Variants in KCNMB2 observed in about 807,000 individuals in gnomAD.
KCNMB2 encodes calcium-activated potassium channel subunit beta-2.
Under a neutral mutation model 24.5 loss-of-function variants are expected in KCNMB2, and 9 were observed. That is an observed-to-expected ratio of 0.37 (90% CI 0.22 to 0.64). The LOEUF is 0.64. Ranked by LOEUF, KCNMB2 falls within the 30% of genes least tolerant of loss-of-function variation. KCNMB2 has a pLI of 0.63. For missense variants in KCNMB2, 226 were observed against 284.3 expected, an observed-to-expected ratio of 0.79 and a Z score of 1.47; for synonymous variants, 109 against 104.4, an observed-to-expected ratio of 1.04 and a Z score of -0.27.
intron 1 of KCNMB2, among the ~76,000 whole-genome samples, chr3:178,577,734 C>A (rs1029681399): frequency 5.3e-5 from 8 of 151,990 alleles, no homozygotes; most frequent in Non-Finnish European, 8.8e-5. Context: ...GAAGCATACA[C>A]AAATATCAAT....
chr3:178,630,242 C>T (rs964778155), intron 1 of KCNMB2, among the ~76,000 whole-genome samples: 42 of 152,096 alleles, frequency 2.8e-4, no homozygotes, highest in African/African-American at 9.9e-4. Context: ...GGCTTTAGAC[C>T]CCTCCTTCTC....
intron 1 of KCNMB2, among the ~76,000 whole-genome samples, chr3:178,611,206 T>C (rs1231989007): frequency 1.3e-5 from 2 of 152,222 alleles, no homozygotes; most frequent in Non-Finnish European, 2.9e-5. Context: ...GTAGGTTGTA[T>C]GTATCTAGAG....
At chr3:178,837,822 G>A (rs1715287886) in intron 4 of KCNMB2, among the ~76,000 whole-genome samples, 1 of 151,860 alleles carries the variant, frequency 6.6e-6, no homozygotes. Context: ...TTTATATGAA[G>A]AATCTTACCT....
chr3:178,728,563 G>A (rs899430673), intron 1 of KCNMB2, among the ~76,000 whole-genome samples: 2 of 137,154 alleles, frequency 1.5e-5, no homozygotes, highest in African/African-American at 5.0e-5. Context: ...ATCAGCTTTG[G>A]GATGAATCTG....
intron 1 of KCNMB2, among the ~76,000 whole-genome samples, chr3:178,645,299 C>T (rs1016821467): frequency 2.6e-5 from 4 of 152,070 alleles, no homozygotes; most frequent in African/African-American, 9.7e-5. Flanking sequence ...ATCTGCCCGC[C>T]TCGGCCTCCC....
At chr3:178,571,342 T>A (rs1716772554) in intron 1 of KCNMB2, among the ~76,000 whole-genome samples, 1 of 150,878 alleles carries the variant, frequency 6.6e-6, no homozygotes, top group African/African-American at 2.4e-5. Context: ...CCCCTTTTGA[T>A]CAAGATCTAA....
Position 178,665,003 on chromosome 3 carries a change from A to G in KCNMB2, c.-68+128292A>G, listed in dbSNP as rs576450341. On this transcript the variant is annotated intron_variant, in intron 1 of 4. Transcript: ENST00000452583. ...GAGAAAGGATAGTTGTTTGATATAA[A>G]ATGGAACTGTGACCTTGCTATAAGA... 1.3e-4 allele frequency among the ~76,000 whole-genome samples: 20 copies of G among 152,284 alleles called. No homozygotes were observed. In the South Asian group the frequency reaches 3.7e-3, roughly 28 times the overall value.
At position 178,662,861 on chromosome 3, in the gene KCNMB2, C is replaced by T. The variant is rs77864818; in HGVS notation, c.-68+126150C>T. Among the ~76,000 whole-genome samples the T allele has an allele frequency of 5.2e-3, 789 of 152,176 alleles. 5 individuals are homozygous for T. Among genetic ancestry groups the T allele is most frequent in the African/African-American group, 0.018 (736 of 41,526 alleles). The stretch of plus-strand genomic sequence containing the variant: ...ATTACTAAAATTATCCCCATTTGCA[C>T]GTGATAAAACAGGCCTAAGAGAAGT... On this transcript the variant is annotated intron_variant, in intron 1 of 4. Coordinates refer to ENST00000452583, the MANE Select transcript of KCNMB2 (RefSeq NM_181361.3).
At chr3:178,751,470 C>G (rs1234059369) in intron 1 of KCNMB2, among the ~76,000 whole-genome samples, 1 of 144,948 alleles carries the variant, frequency 6.9e-6, no homozygotes, top group Non-Finnish European at 1.5e-5. Context: ...ATCCCAGCTA[C>G]TTAGGAGGCA....
intron 1 of KCNMB2, among the ~76,000 whole-genome samples, chr3:178,547,146 G>A (rs1715800723): frequency 6.6e-6 from 1 of 152,166 alleles, no homozygotes; most frequent in Non-Finnish European, 1.5e-5. Flanking sequence ...CTAATAAATG[G>A]ACGAGTTGGG....
intron 1 of KCNMB2, among the ~76,000 whole-genome samples, chr3:178,726,454 G>A (rs1722970016): frequency 6.6e-6 from 1 of 151,944 alleles, no homozygotes; most frequent in Non-Finnish European, 1.5e-5. Context: ...GATTCTTTTA[G>A]AGTAGGTCTG....
chr3:178,578,498 A>G (rs1253942767), intron 1 of KCNMB2, among the ~76,000 whole-genome samples: 1 of 152,246 alleles, frequency 6.6e-6, no homozygotes, highest in African/African-American at 2.4e-5. Flanking sequence ...AGCTAGCATC[A>G]TAATGACAGG....
chr3:178,666,057 A>C (rs186899551), intron 1 of KCNMB2, among the ~76,000 whole-genome samples: 3 of 152,140 alleles, frequency 2.0e-5, no homozygotes, highest in Admixed American at 2.0e-4. Context: ...TGTCTATTCA[A>C]TGTAGATGTG....
chr3:178,544,591 G>A (rs1167089096), intron 1 of KCNMB2, among the ~76,000 whole-genome samples: 1 of 152,142 alleles, frequency 6.6e-6, no homozygotes, highest in Non-Finnish European at 1.5e-5. Flanking sequence ...TATAATACTG[G>A]ACAGGAGGGC....
At chr3:178,615,734 G>A (rs940744206) in intron 1 of KCNMB2, among the ~76,000 whole-genome samples, 27 of 152,184 alleles carry the variant, frequency 1.8e-4, no homozygotes, top group African/African-American at 6.3e-4. Context: ...TCCTGGAACT[G>A]GGGAACCCAA....
intron 1 of KCNMB2, among the ~76,000 whole-genome samples, chr3:178,652,481 A>AT (rs1720160678): frequency 1.3e-5 from 2 of 151,714 alleles, no homozygotes; most frequent in Non-Finnish European, 2.9e-5. Flanking sequence ...AAAATCATGT[A>AT]TTTTTTTCTC....
intron 1 of KCNMB2, among the ~76,000 whole-genome samples, chr3:178,715,292 G>T (rs1305487339): frequency 1.3e-5 from 2 of 151,886 alleles, no homozygotes; most frequent in Non-Finnish European, 2.9e-5. Context: ...CACATCACTT[G>T]GGAAGAACAG....
At chr3:178,679,854 T>A (rs542340720) in intron 1 of KCNMB2, among the ~76,000 whole-genome samples, 1 of 152,234 alleles carries the variant, frequency 6.6e-6, no homozygotes, top group South Asian at 2.1e-4. Context: ...TTGATTTTTG[T>A]ATATATTTCC....
chr3:178,597,924 T>C (rs765340130), intron 1 of KCNMB2, among the ~76,000 whole-genome samples: 2 of 151,886 alleles, frequency 1.3e-5, no homozygotes, highest in East Asian at 3.9e-4. Context: ...AGTTAAAAAA[T>C]TGGGGTGGGA....
Sources: gnomAD v4.1 joint callset for allele counts (sites outside exome capture counted in the v4.1 genomes callset) on GRCh38, gnomAD v4.1.1 for gene constraint, MANE v1.5 for transcripts, NCBI Gene and HGNC (gene_info 2026-07-23, HGNC 2026-07-21) for gene names.